Variants in TNNT2 observed in about 807,000 individuals in gnomAD.
TNNT2 encodes troponin T2, cardiac type.
Under a neutral mutation model 62.4 loss-of-function variants are expected in TNNT2, and 34 were observed. The observed-to-expected ratio is 0.54, with a 90% CI of 0.41 to 0.72. The LOEUF is 0.72. Ranked by LOEUF, TNNT2 falls within the 30% of genes least tolerant of loss-of-function variation. TNNT2 has a pLI of 0.00. For synonymous variants in TNNT2, 123 were observed against 127.2 expected (o/e 0.97, Z 0.22); for missense variants, 275 against 381.9 (o/e 0.72, Z 2.33).
At chr1:201,372,298 C>T (rs995586140) in intron 2 of TNNT2, 143 bp from the exon 3 acceptor site, 7 of 1,208,772 alleles carry the variant, frequency 5.8e-6, no homozygotes, top group Middle Eastern at 2.5e-4. Context: ...GTCCACGCTG[C>T]CCTGCCCACC....
chr1:201,364,912 G>A (rs149824207), intron 10 of TNNT2, among the ~76,000 whole-genome samples: 28 of 152,248 alleles, frequency 1.8e-4, no homozygotes, highest in Non-Finnish European at 3.2e-4. Flanking sequence ...TCCACAGCCC[G>A]GGCCTGAATT....
At chr1:201,365,046 G>T in intron 10 of TNNT2, 145 bp downstream of exon 10, 1 of 781,108 alleles carries the variant, frequency 1.3e-6, no homozygotes, top group Non-Finnish European at 2.3e-6. Context: ...TGTGCAGAAT[G>T]CTGGAGGGCC....
chr1:201,366,014 A>T, intron 8 of TNNT2: 5 of 1,200,062 alleles, frequency 4.2e-6, no homozygotes, highest in Non-Finnish European at 5.2e-6. Context: ...ACAAGATGCC[A>T]TGCTTCTTGG....
At chr1:201,369,688 C>T (rs1273309069) in intron 5 of TNNT2, 128 bp downstream of exon 5, 18 of 1,136,410 alleles carry the variant, frequency 1.6e-5, no homozygotes, top group South Asian at 4.9e-5. Flanking sequence ...GGGGAGGAAA[C>T]GACTGACCCA....
intron 9 of TNNT2, 73 bp downstream of exon 9, chr1:201,365,537 C>A (rs1659503945): frequency 6.4e-7 from 1 of 1,551,674 alleles, no homozygotes; most frequent in South Asian, 1.1e-5. Flanking sequence ...CCCAAGGTCA[C>A]AAAATCTCTG....
Position 201,366,882 on chromosome 1 carries a change from T to G in TNNT2, c.200-11A>C, listed in dbSNP as rs368658464. ...CCTCCATTGGGCCATCTGGAGGAGA[T>G]AGAAGCACACAGCCATGGGTCAGGG... On this transcript the variant is annotated splice_polypyrimidine_tract_variant and intron_variant, in intron 7 of 16. Transcript: ENST00000656932. 3 of 1,614,054 alleles carry G rather than the reference T, an allele frequency of 1.9e-6. No homozygotes were observed. The highest frequency in any genetic ancestry group is 2.5e-6 in the Non-Finnish European group (3 of 1,179,978).
chr1:201,366,831 C>T lies in TNNT2; in HGVS notation c.233+7G>A, dbSNP rs1365980305. The T allele has an allele frequency of 1.2e-6, 2 of 1,614,038 alleles. No homozygotes were observed. The highest frequency in any genetic ancestry group is 8.5e-7 in the Non-Finnish European group (1 of 1,180,022). Reference sequence around the variant, plus strand: ...TCCCGGCTCTACCCAGGTGCCTCCCCACTCACCTGGGCTTTGGTTTGGACT... The same window carrying T: ...TCCCGGCTCTACCCAGGTGCCTCCCTACTCACCTGGGCTTTGGTTTGGACT... On this transcript the variant is annotated splice_region_variant and intron_variant, in intron 8 of 16. Transcript: ENST00000656932.
At chr1:201,376,912 TGGGGCC>T (rs1412153806) in intron 1 of TNNT2, among the ~76,000 whole-genome samples, 1 of 152,198 alleles carries the variant, frequency 6.6e-6, no homozygotes, top group Admixed American at 6.5e-5. Flanking sequence ...GTTCTCCCAG[TGGGGCC>T]TTTCCCCATC....
Position 201,363,475 on chromosome 1 carries a change from G to A in TNNT2, c.490-69C>T, listed in dbSNP as rs483352834. 2 of 1,467,494 alleles carry A rather than the reference G, an allele frequency of 1.4e-6. No individual in the cohort carries two copies. The highest frequency in any genetic ancestry group is 1.4e-5 in the African/African-American group (1 of 72,182). 90.9% of individuals were successfully genotyped at this position (1,467,494 alleles called of 1,614,324 possible). ...TTGGAAACCCTGATTCTGGGCTGAA[G>A]CTTGTGGTCTTTATGGGTGAGTTCA... On this transcript the variant is annotated intron_variant, in intron 11 of 16. Coordinates refer to ENST00000656932, the MANE Select transcript of TNNT2 (RefSeq NM_001276345.2).
At chr1:201,376,015 A>G (rs1661348189) in intron 1 of TNNT2, among the ~76,000 whole-genome samples, 2 of 152,218 alleles carry the variant, frequency 1.3e-5, no homozygotes, top group Admixed American at 6.5e-5. Context: ...GACCTGATGC[A>G]GGGGAAAGAG....
chr1:201,368,323 G>T, intron 5 of TNNT2, 96 bp from the exon 6 acceptor site: 1 of 1,293,674 alleles, frequency 7.7e-7, no homozygotes, highest in East Asian at 2.4e-5. Flanking sequence ...AGTGGGGATG[G>T]GGGTCAAGAC....
intron 14 of TNNT2, among the ~76,000 whole-genome samples, 159 bp downstream of exon 14, chr1:201,361,754 G>A (rs573833528): frequency 2.6e-5 from 4 of 152,204 alleles, no homozygotes; most frequent in Non-Finnish European, 5.9e-5. Flanking sequence ...GAGTTGGCCC[G>A]ACCTGCTGGG....
intron 13 of TNNT2, 131 bp from the exon 14 acceptor site, chr1:201,362,153 A>AC (rs1301056249): frequency 8.4e-7 from 1 of 1,183,960 alleles, no homozygotes; most frequent in Non-Finnish European, 1.2e-6. Flanking sequence ...TTCCTGCCAC[A>AC]CCCCCCAACT....
intron 15 of TNNT2, 50 bp from the exon 16 acceptor site, chr1:201,359,713 C>T (rs371552542): frequency 2.7e-5 from 41 of 1,544,572 alleles, no homozygotes; most frequent in Non-Finnish European, 3.3e-5. Context: ...CTGACTGGCT[C>T]AGGTCCCAGG....
Position 201,361,214 on chromosome 1 carries a change from C to T in TNNT2, c.810+65G>A, listed in dbSNP as rs45517846. 1.9e-3 allele frequency: 2,883 copies of T among 1,499,560 alleles called. 39 individuals carry two copies. In the African/African-American group the frequency reaches 0.033, roughly 17 times the overall value. The allele number at this position is 1,499,560 out of a possible 1,614,324, so 92.9% of individuals were successfully genotyped here. A position where few individuals can be genotyped will look rare whatever the true frequency, so the allele number is the denominator to read the frequency against. ...ACCCAGGGACCTGCAGCAGTATTAC[C>T]GGACCCAGTGAACCAGGAGGAGTGT... On this transcript the variant is annotated intron_variant, in intron 15 of 16. Transcript: ENST00000656932.
chr1:201,362,192 T>C (rs367689026), intron 13 of TNNT2, 170 bp from the exon 14 acceptor site: 2 of 1,216,390 alleles, frequency 1.6e-6, no homozygotes, highest in African/African-American at 3.0e-5. Context: ...CTAGGGAAAC[T>C]GAGGTAGGGG....
intron 5 of TNNT2, among the ~76,000 whole-genome samples, chr1:201,368,938 C>T (rs964962034): frequency 6.6e-6 from 1 of 152,194 alleles, no homozygotes; most frequent in African/African-American, 2.4e-5. Context: ...TCCCTCTGTC[C>T]TCCCTTCCCA....
chr1:201,369,683 G>C (rs1660300503), intron 5 of TNNT2, 133 bp downstream of exon 5: 1 of 1,070,460 alleles, frequency 9.3e-7, no homozygotes, highest in African/African-American at 1.6e-5. Flanking sequence ...AGGCAGGGGA[G>C]GAAACGACTG....
Position 201,362,016 on chromosome 1 carries a change from GCT to G in TNNT2, c.614_615del (p.Glu205AlafsTer9), listed in dbSNP as rs760664767. Reference sequence around the variant, plus strand: ...TCAGTCTGCCTCTTCCCACTTTTCCGCTCTGTCTGGAGGGTGTGGGAAGCAGA... The same window carrying G: ...TCAGTCTGCCTCTTCCCACTTTTCCGCTGTCTGGAGGGTGTGGGAAGCAGA... ...GGYIQKQAQT[E>X]RKSGKRQTER... On this transcript the variant is annotated frameshift_variant, in exon 14 of 17. Coordinates refer to ENST00000656932, the MANE Select transcript of TNNT2 (RefSeq NM_001276345.2). LOFTEE classifies it high-confidence loss of function. 11 of 1,614,024 alleles carry G rather than the reference GCT, an allele frequency of 6.8e-6. No individual in the cohort carries two copies. The highest frequency in any genetic ancestry group is 1.3e-5 in the African/African-American group (1 of 75,000).
Sources: allele counts gnomAD v4.1 joint callset (sites outside exome capture counted in the v4.1 genomes callset), GRCh38; gene constraint gnomAD v4.1.1; transcripts MANE v1.5; gene names NCBI Gene and HGNC (gene_info 2026-07-23, HGNC 2026-07-21).